The following MTPN variants were observed in gnomAD, a reference collection of about 807,000 sequenced individuals.
MTPN encodes myotrophin.
In MTPN, 2 loss-of-function variants were observed where a neutral mutation model predicts 13.5. The ratio of observed to expected loss-of-function variants is 0.15; its 90% confidence interval spans 0.06 to 0.47. MTPN has a LOEUF of 0.47. Among genes scored for constraint, MTPN ranks in the 20% least tolerant of loss-of-function variants. The pLI, the probability that MTPN is intolerant of heterozygous loss-of-function variation, is 0.97. For missense variants in MTPN, 79 were observed against 137.9 expected, an observed-to-expected ratio of 0.57 and a Z score of 2.14; for synonymous variants, 46 against 51.7, an observed-to-expected ratio of 0.89 and a Z score of 0.48.
At chr7:135,935,305 C>T (rs1254710163) in intron 3 of MTPN, among the ~76,000 whole-genome samples, 2 of 151,920 alleles carry the variant, frequency 1.3e-5, no homozygotes, top group Admixed American at 6.6e-5. Context: ...GTGGCACAAC[C>T]TCGGCTCACT....
At chr7:135,949,220 T>C (rs1799327848) in intron 3 of MTPN, among the ~76,000 whole-genome samples, 1 of 152,214 alleles carries the variant, frequency 6.6e-6, no homozygotes, top group African/African-American at 2.4e-5. Flanking sequence ...TGAAATTATA[T>C]AAATCTTTCA....
intron 1 of MTPN, among the ~76,000 whole-genome samples, chr7:135,971,351 C>T (rs1465907000): frequency 6.6e-6 from 1 of 152,178 alleles, no homozygotes; most frequent in East Asian, 1.9e-4. Context: ...CACCTGTAAG[C>T]ATGTTGGATC....
rs531250934 is a variant in MTPN, at chr7:135,943,499, CA to C, written c.270+7099del. ...CATTTATCAAAAACATGAATGTTAC[CA>C]GACAAGATGGTTTTTTCTATTTCCT... is the stretch of plus-strand genomic sequence containing the variant. On this transcript the variant is annotated intron_variant, in intron 3 of 3. Transcript: ENST00000393085. Among the ~76,000 whole-genome samples the C allele has an allele frequency of 3.2e-3, 482 of 152,236 alleles. 4 individuals are homozygous for C. Among genetic ancestry groups the C allele is most frequent in the African/African-American group, 0.011 (473 of 41,530 alleles).
At chr7:135,973,356 G>A (rs923868584) in intron 1 of MTPN, among the ~76,000 whole-genome samples, 1 of 151,442 alleles carries the variant, frequency 6.6e-6, no homozygotes, top group Admixed American at 6.6e-5. Flanking sequence ...ATGGATGAGG[G>A]AGACTAAGAA....
chr7:135,949,185 G>A (rs988823012), intron 3 of MTPN, among the ~76,000 whole-genome samples: 1 of 152,214 alleles, frequency 6.6e-6, no homozygotes, highest in Admixed American at 6.5e-5. Flanking sequence ...TTACTTGCAA[G>A]ACAGAGTCCT....
intron 1 of MTPN, among the ~76,000 whole-genome samples, chr7:135,957,012 C>A (rs534953031): frequency 1.7e-4 from 26 of 152,172 alleles, no homozygotes; most frequent in Non-Finnish European, 3.7e-4. Flanking sequence ...CTCCATGTTG[C>A]AAATACAAAG....
chr7:135,931,625 CTG>C (rs1799023546), intron 3 of MTPN, among the ~76,000 whole-genome samples: 3 of 152,116 alleles, frequency 2.0e-5, no homozygotes, highest in East Asian at 1.9e-4. Context: ...TAAGGGATAA[CTG>C]TATTCAAAAA....
intron 1 of MTPN, among the ~76,000 whole-genome samples, chr7:135,975,290 T>C (rs988227172): frequency 2.6e-5 from 4 of 152,240 alleles, no homozygotes; most frequent in Non-Finnish European, 1.5e-5. Flanking sequence ...ACCCTGGGAA[T>C]GTCCTACTAG....
At chr7:135,939,492 C>T (rs1377744844) in intron 3 of MTPN, among the ~76,000 whole-genome samples, 2 of 148,628 alleles carry the variant, frequency 1.3e-5, no homozygotes, top group African/African-American at 2.5e-5. Flanking sequence ...TTAGCTCTTT[C>T]CCCCCTCTTC....
chr7:135,972,610 G>T (rs976297814), intron 1 of MTPN, among the ~76,000 whole-genome samples: 2 of 152,090 alleles, frequency 1.3e-5, no homozygotes, highest in Non-Finnish European at 2.9e-5. Flanking sequence ...ACAGAAAGAT[G>T]AAAAAGAATA....
At chr7:135,934,418 C>T (rs1799081846) in intron 3 of MTPN, among the ~76,000 whole-genome samples, 1 of 152,088 alleles carries the variant, frequency 6.6e-6, no homozygotes, top group Non-Finnish European at 1.5e-5. Context: ...GAGAAAAGTC[C>T]ACAGCAAGTG....
intron 3 of MTPN, among the ~76,000 whole-genome samples, chr7:135,944,913 T>C (rs1317548273): frequency 1.3e-5 from 2 of 152,302 alleles, no homozygotes; most frequent in African/African-American, 2.4e-5. Flanking sequence ...AATTTCATCA[T>C]TGTGTGAACA....
intron 1 of MTPN, among the ~76,000 whole-genome samples, chr7:135,963,967 G>C (rs904675594): frequency 6.6e-6 from 1 of 151,718 alleles, no homozygotes; most frequent in Admixed American, 6.6e-5. Context: ...AAAAGCTTGT[G>C]GGAAATTAAA....
intron 1 of MTPN, among the ~76,000 whole-genome samples, chr7:135,959,492 G>A (rs750738614): frequency 5.9e-5 from 9 of 152,144 alleles, no homozygotes; most frequent in Non-Finnish European, 8.8e-5. Flanking sequence ...ACATTAGAGT[G>A]TAAAGTATAG....
At chr7:135,937,370 TACACACACACACACACACAC>T (rs35704525) in intron 3 of MTPN, among the ~76,000 whole-genome samples, 1 of 144,410 alleles carries the variant, frequency 6.9e-6, no homozygotes, top group Admixed American at 6.9e-5. Context: ...GCTAACTGGA[TACACACACACACACACACAC>T]ACACACACAC....
At chr7:135,955,969 T>C (rs775013013) in intron 1 of MTPN, among the ~76,000 whole-genome samples, 7 of 152,224 alleles carry the variant, frequency 4.6e-5, no homozygotes, top group Non-Finnish European at 7.3e-5. Context: ...CTGAATGCTT[T>C]CCTCCTAAGA....
Position 135,929,803 on chromosome 7 carries a change from TCCCCTCA to T in MTPN, c.*116_*122del, listed in dbSNP as rs1798987705. On this transcript the variant is annotated 3_prime_UTR_variant, in exon 4 of 4. Transcript: ENST00000393085. The stretch of plus-strand genomic sequence containing the variant: ...GTCGGATTTGTTATGAATTTCTCTC[TCCCCTCA>T]CCCCTCTTAAAGTATTTAGCTGAAG... 1.6e-5 allele frequency: 15 copies of T among 954,584 alleles called. No individual in the cohort carries two copies. In the South Asian group the frequency reaches 2.1e-4, roughly 14 times the overall value. 59.1% of individuals were successfully genotyped at this position (954,584 alleles called of 1,614,324 possible).
At chr7:135,968,293 A>G (rs1029272377) in intron 1 of MTPN, among the ~76,000 whole-genome samples, 3 of 152,272 alleles carry the variant, frequency 2.0e-5, no homozygotes, top group East Asian at 3.9e-4. Flanking sequence ...ACGCTTATAC[A>G]TATTAATTAT....
At chr7:135,944,778 CTG>C (rs773365158) in intron 3 of MTPN, among the ~76,000 whole-genome samples, 98 of 152,274 alleles carry the variant, frequency 6.4e-4, no homozygotes, top group Middle Eastern at 3.4e-3. Context: ...TTATATGTAA[CTG>C]TGAAAAATAT....
Sources: gnomAD v4.1 joint callset for allele counts (sites outside exome capture counted in the v4.1 genomes callset) on GRCh38, gnomAD v4.1.1 for gene constraint, MANE v1.5 for transcripts, NCBI Gene and HGNC (gene_info 2026-07-23, HGNC 2026-07-21) for gene names.